Variants in ADAM17 observed in about 807,000 individuals in gnomAD.
The protein encoded by ADAM17 is ADAM metallopeptidase domain 17.
Under a neutral mutation model 96.7 loss-of-function variants are expected in ADAM17, and 39 were observed. The observed-to-expected ratio is 0.40, with a 90% CI of 0.31 to 0.53. The LOEUF is 0.53. ADAM17 is among the 20% of genes least tolerant of loss of function. The pLI is 0.44. For missense variants in ADAM17, 777 were observed against 1,013.2 expected (o/e 0.77, Z 3.17); for synonymous variants, 344 against 359.2 (o/e 0.96, Z 0.48).
intron 14 of ADAM17, among the ~76,000 whole-genome samples, chr2:9,495,569 C>T (rs891455895): frequency 5.9e-5 from 9 of 152,016 alleles, no homozygotes; most frequent in African/African-American, 2.2e-4. Flanking sequence ...AAAAAATTAG[C>T]CAGATGTGGT....
At chr2:9,542,735 G>A (rs1169869848) in intron 2 of ADAM17, among the ~76,000 whole-genome samples, 1 of 152,132 alleles carries the variant, frequency 6.6e-6, no homozygotes, top group Non-Finnish European at 1.5e-5. Context: ...GTCTCACTCT[G>A]TTGCCCAGTC....
At chr2:9,541,238 A>G (rs1403339557) in intron 2 of ADAM17, among the ~76,000 whole-genome samples, 1 of 152,172 alleles carries the variant, frequency 6.6e-6, no homozygotes, top group Non-Finnish European at 1.5e-5. Flanking sequence ...ACCTATACAC[A>G]CACAGAGACC....
Position 9,527,746 on chromosome 2 carries a change from ATGTT to A in ADAM17, c.619+36_619+39del, listed in dbSNP as rs771710711. 5.1e-6 allele frequency: 7 copies of A among 1,373,182 alleles called. No individual in the cohort carries two copies. The Admixed American group carries it at 1.9e-4, about 36-fold the overall frequency. The allele number at this position is 1,373,182 out of a possible 1,614,324, so 85.1% of individuals were successfully genotyped here. ...CACCCCTACTGAAGTCAATTGTAGT[ATGTT>A]TGTTTCTTATTTGAAATACACTCTT... On this transcript the variant is annotated intron_variant, in intron 5 of 18. Transcript: ENST00000310823.
In ADAM17 at chr2:9,489,259, A is replaced by ATTTTTTTTTTTTTTTTTTTT. The variant is rs34525911; in HGVS notation, c.*898_*917dup. 2.5e-4 allele frequency: 22 copies of ATTTTTTTTTTTTTTTTTTTT among 87,398 alleles called. 1 individual carries two copies. Among genetic ancestry groups the ATTTTTTTTTTTTTTTTTTTT allele is most frequent in the African/African-American group, 1.4e-3 (21 of 15,528 alleles). The allele number at this position is 87,398 out of a possible 1,614,324, so 5.4% of individuals were successfully genotyped here. ...AATATTCTAGGTTTGTAGATAGTGA[A>ATTTTTTTTTTTTTTTTTTTT]TTTTTTTTTTTTTTTTTTTTTTTTG... On this transcript the variant is annotated 3_prime_UTR_variant, in exon 19 of 19. Coordinates refer to ENST00000310823, the MANE Select transcript of ADAM17 (RefSeq NM_003183.6).
intron 4 of ADAM17, among the ~76,000 whole-genome samples, chr2:9,530,513 A>G (rs1664697125): frequency 6.6e-6 from 1 of 152,246 alleles, no homozygotes; most frequent in South Asian, 2.1e-4. Flanking sequence ...TGTTATTAAT[A>G]AAAGCTAAGG....
intron 3 of ADAM17, 61 bp from the exon 4 acceptor site, chr2:9,535,983 T>G: frequency 3.4e-3 from 2,961 of 867,510 alleles, no homozygotes; most frequent in Non-Finnish European, 4.5e-3. Context: ...AACTATGCAT[T>G]ACTCTCAATA....
rs1664284256 is a variant in ADAM17, at chr2:9,520,982, AAAAAGG to A, written c.957+215_957+220del. ...TCTGTCTCAAAAAAAAAAAAAAAAA[AAAAAGG>A]AAGCATTGCTTTATAGCGTTTTTCT... On this transcript the variant is annotated intron_variant, in intron 8 of 18. Transcript: ENST00000310823. 2.7e-5 allele frequency among the ~76,000 whole-genome samples: 4 copies of A among 147,498 alleles called. 1 individual carries two copies. The highest frequency in any genetic ancestry group is 6.8e-5 in the Admixed American group (1 of 14,662).
intron 13 of ADAM17, among the ~76,000 whole-genome samples, chr2:9,498,686 G>C (rs1278971324): frequency 6.6e-6 from 1 of 152,186 alleles, no homozygotes; most frequent in African/African-American, 2.4e-5. Context: ...TGAGCACTGG[G>C]CATTCATCAT....
intron 10 of ADAM17, among the ~76,000 whole-genome samples, chr2:9,515,927 T>C (rs1359827793): frequency 2.0e-5 from 3 of 152,092 alleles, no homozygotes; most frequent in Non-Finnish European, 4.4e-5. Flanking sequence ...CACATTGTTG[T>C]TGGGTTTCTT....
chr2:9,493,100 C>A, intron 16 of ADAM17, 114 bp from the exon 17 acceptor site: 1 of 795,204 alleles, frequency 1.3e-6, no homozygotes, highest in Non-Finnish European at 2.0e-6. Context: ...GCTAGACATA[C>A]TACCGAGAGC....
intron 1 of ADAM17, among the ~76,000 whole-genome samples, chr2:9,549,064 C>G (rs571710281): frequency 6.6e-6 from 1 of 152,100 alleles, no homozygotes; most frequent in East Asian, 1.9e-4. Context: ...TAAAACTAAT[C>G]GTGAAACTTT....
rs1312030403 is a variant in ADAM17, at chr2:9,497,235, C to T, written c.1662G>A (p.Glu554=). 6.2e-7 allele frequency: 1 copy of T among 1,614,180 alleles called. No individual in the cohort carries two copies. Among genetic ancestry groups the T allele is most frequent in the East Asian group, 2.2e-5 (1 of 44,890 alleles). Residue 554 remains glutamate, a synonymous_variant, in exon 14 of 19, where the codon GAG becomes GAA. Transcript: ENST00000310823. ...CTTCAGCATTTCCTGGAGGCGGGCA[C>T]TCACTGCTATTACCTGGAAGCAAAC... ...GVSYCTGNSS[E]CPPPGNAEDD...
intron 8 of ADAM17, among the ~76,000 whole-genome samples, chr2:9,518,474 A>C (rs374233715): frequency 2.0e-4 from 31 of 152,246 alleles, no homozygotes; most frequent in African/African-American, 7.2e-4. Context: ...CAAGGGACAC[A>C]AAAGGGAATA....
At chr2:9,532,456 T>C (rs568827562) in intron 4 of ADAM17, among the ~76,000 whole-genome samples, 1 of 152,226 alleles carries the variant, frequency 6.6e-6, no homozygotes, top group South Asian at 2.1e-4. Context: ...ATGAGTATAC[T>C]TGTAAGTAAA....
chr2:9,524,039 CTT>C (rs879273840), intron 6 of ADAM17, among the ~76,000 whole-genome samples: 4 of 140,458 alleles, frequency 2.8e-5, no homozygotes, highest in African/African-American at 5.2e-5. Flanking sequence ...CCATGCCGGG[CTT>C]TTTTTTTTTT....
intron 10 of ADAM17, among the ~76,000 whole-genome samples, chr2:9,513,707 C>A (rs1338003955): frequency 6.6e-6 from 1 of 151,904 alleles, no homozygotes; most frequent in African/African-American, 2.4e-5. Flanking sequence ...TCCCCTAAAA[C>A]AAAGTACCAT....
At chr2:9,496,090 C>T (rs1481105468) in intron 14 of ADAM17, among the ~76,000 whole-genome samples, 1 of 151,986 alleles carries the variant, frequency 6.6e-6, no homozygotes, top group Non-Finnish European at 1.5e-5. Context: ...TTTTATTTAA[C>T]TACCGGGTTC....
intron 10 of ADAM17, among the ~76,000 whole-genome samples, chr2:9,514,019 A>AG (rs1420979268): frequency 6.6e-6 from 1 of 151,620 alleles, no homozygotes; most frequent in Non-Finnish European, 1.5e-5. Context: ...TCAAAAAAAA[A>AG]AAAAAGAAAA....
chr2:9,505,547 CCT>C, intron 11 of ADAM17, 182 bp from the exon 12 acceptor site: 2 of 616,532 alleles, frequency 3.2e-6, no homozygotes, highest in Non-Finnish European at 5.7e-6. Flanking sequence ...TGGGAACCTC[CCT>C]CCATAGAATG....
Sources: allele counts gnomAD v4.1 joint callset (sites outside exome capture counted in the v4.1 genomes callset), GRCh38; gene constraint gnomAD v4.1.1; transcripts MANE v1.5; gene names NCBI Gene and HGNC (gene_info 2026-07-23, HGNC 2026-07-21).